TNK2: variants seen among roughly 807,000 people sequenced by gnomAD.
TNK2 encodes tyrosine kinase non receptor 2, also known as activated CDC42 kinase 1.
In TNK2, 83 loss-of-function variants were observed where a neutral mutation model predicts 101.8. The ratio of observed to expected loss-of-function variants is 0.82; its 90% confidence interval spans 0.68 to 0.98. The LOEUF (loss-of-function observed/expected upper bound fraction) is 0.98. TNK2 is among the 50% of genes least tolerant of loss of function. The pLI is 0.00. For missense variants in TNK2, 1,665 were observed against 1,483.2 expected, an observed-to-expected ratio of 1.12 and a Z score of -2.01; for synonymous variants, 804 against 633.0, an observed-to-expected ratio of 1.27 and a Z score of -4.06.
chr3:195,878,622 A>T lies in TNK2; in HGVS notation c.1015-30T>A. The stretch of plus-strand genomic sequence containing the variant: ...AGGTGAGGAGGTGCAGAGTTTGACG[A>T]CAAACAGAGCGCCCAGCCCTTCACT... On this transcript the variant is annotated intron_variant, in intron 7 of 15. Coordinates refer to ENST00000672887, the MANE Select transcript of TNK2 (RefSeq NM_001382273.1). The surrounding 1 kb of genome is among the most constrained non-coding windows in gnomAD (Gnocchi z 4.7). The T allele has an allele frequency of 6.2e-7, 1 of 1,602,188 alleles. No homozygotes were observed. The highest frequency in any genetic ancestry group is 8.5e-7 in the Non-Finnish European group (1 of 1,172,956).
Position 195,867,362 on chromosome 3 carries a change from A to G in TNK2, c.2936T>C (p.Met979Thr). 1 of 1,607,716 alleles carries G rather than the reference A, an allele frequency of 6.2e-7. No homozygotes were observed. Among genetic ancestry groups the G allele is most frequent in the South Asian group, 1.1e-5 (1 of 90,478 alleles). ...EAGRPADKIQ[M>T]LQAMVHGVTT... ...CCCACAGCCAGGCTGGGTGCTCACC[A>G]TCTGGATCTTGTCTGCTGGCCGGCC... The change falls in exon 13 of 16, where the codon ATG (methionine) becomes ACG (threonine). Residue 979 changes from methionine to threonine, a missense_variant and splice_region_variant. Met to Thr is a moderately conservative substitution (Grantham distance 81). Transcript: ENST00000672887.
chr3:195,868,452 C>A lies in TNK2; in HGVS notation c.1846G>T (p.Asp616Tyr). Residue 616 changes from aspartate to tyrosine, a missense_variant, in exon 13 of 16, where the codon GAC becomes TAC. This residue lies in a region of TNK2 where 1,136 missense variants were observed against 894.9 expected (regional missense o/e 1.27). Coordinates refer to ENST00000672887, the MANE Select transcript of TNK2 (RefSeq NM_001382273.1). ...GTGGGGCTCTGAGGCGGGGTCTCGT[C>A]CAGCAGGGAGCAGGCGTCCATGGCC... is the stretch of plus-strand genomic sequence containing the variant. Reference protein sequence around the residue: ...QLAMDACSLLDETPPQSPTRA... With the variant: ...QLAMDACSLLYETPPQSPTRA... 1 of 1,564,006 alleles carries A rather than the reference C, an allele frequency of 6.4e-7. No homozygotes were observed. Among genetic ancestry groups the A allele is most frequent in the Non-Finnish European group, 8.6e-7 (1 of 1,165,168 alleles).
chr3:195,872,291 G>T lies in TNK2; in HGVS notation c.1436C>A (p.Pro479Gln). Residue 479 changes from proline to glutamine, a missense_variant, in exon 10 of 16, where the codon CCG (proline) becomes CAG (glutamine). Around this residue, in one of 3 missense-constraint regions of TNK2, gnomAD observed 1,136 missense variants for 894.9 expected, o/e 1.27. Transcript: ENST00000672887. ...DSDPRHCWGF[P>Q]DRIDELYLGN... ...CAGTACTCACTCGTCAATCCTGTCC[G>T]GGAAGCCCCAGCAGTGGCGGGGGTC... The T allele has an allele frequency of 6.2e-7, 1 of 1,613,420 alleles. No individual in the cohort carries two copies. The highest frequency in any genetic ancestry group is 8.5e-7 in the Non-Finnish European group (1 of 1,179,926).
chr3:195,878,900 CGTGGTGGGAGGCACGGGAA>C lies in TNK2; in HGVS notation c.1014+130_1014+148del, dbSNP rs1365732380. The C allele has an allele frequency of 2.0e-5, 26 of 1,273,508 alleles. No individual in the cohort carries two copies. The East Asian group carries it at 4.7e-4, about 23-fold the overall frequency. 78.9% of individuals were successfully genotyped at this position (1,273,508 alleles called of 1,614,324 possible). On this transcript the variant is annotated intron_variant, in intron 7 of 15. Coordinates refer to ENST00000672887, the MANE Select transcript of TNK2 (RefSeq NM_001382273.1). This position sits in a 1 kb window ranked among gnomAD's most constrained non-coding sequence, Gnocchi z 4.7. Reference sequence around the variant, plus strand: ...ACGGGGCGTGAGAGGAGACACGGGGCGTGGTGGGAGGCACGGGAAGTGGGGGGAGGCACGGGGCGTGGGA... The same window carrying C: ...ACGGGGCGTGAGAGGAGACACGGGGCGTGGGGGGAGGCACGGGGCGTGGGA...
chr3:195,895,649 G>A, intron 1 of TNK2: 6 of 1,262,984 alleles, frequency 4.8e-6, no homozygotes, highest in Non-Finnish European at 6.0e-6. Context: ...GCCTTCGCCG[G>A]CCGCGGAACC....
intron 9 of TNK2, among the ~76,000 whole-genome samples, chr3:195,873,404 G>C (rs1356571920): frequency 6.6e-6 from 1 of 152,112 alleles, no homozygotes; most frequent in African/African-American, 2.4e-5. Context: ...GTGATGCCGT[G>C]AGCAGAGTCT....
intron 6 of TNK2, among the ~76,000 whole-genome samples, chr3:195,881,383 C>A (rs1406482246): frequency 4.0e-5 from 1 of 25,206 alleles, no homozygotes; most frequent in African/African-American, 2.2e-4. Flanking sequence ...CCTGTAACAC[C>A]CCCCCAGCAG....
At position 195,863,662 on chromosome 3, in the gene TNK2, G is replaced by GT. The variant is rs1738780639; in HGVS notation, c.*518dup. On this transcript the variant is annotated 3_prime_UTR_variant, in exon 16 of 16. Transcript: ENST00000672887. ...CAGCCAAGTCCCATTCAAGTCCATG[G>GT]TAAGGCCACAAGTCACATTCTGCCC... is the stretch of plus-strand genomic sequence containing the variant. The GT allele has an allele frequency of 1.3e-5, 2 of 154,640 alleles. No homozygotes were observed. Among genetic ancestry groups the GT allele is most frequent in the Admixed American group, 6.5e-5 (1 of 15,400 alleles). 9.6% of individuals were successfully genotyped at this position (154,640 alleles called of 1,614,324 possible).
Position 195,867,781 on chromosome 3 carries a change from G to A in TNK2, c.2517C>T (p.Asp839=). Residue 839 remains aspartate (D), a synonymous_variant, in exon 13 of 16, where the codon GAC becomes GAT. Coordinates refer to ENST00000672887, the MANE Select transcript of TNK2 (RefSeq NM_001382273.1). ...TCACCTGGGGGGTGGCGTACTTGGG[G>A]TCTGAGGCAAAGCTCTGGGTGGTGG... ...TMPTTQSFAS[D]PKYATPQVIQ... The A allele has an allele frequency of 1.9e-6, 3 of 1,579,942 alleles. No homozygotes were observed. The highest frequency in any genetic ancestry group is 2.6e-6 in the Non-Finnish European group (3 of 1,165,266).
intron 4 of TNK2, chr3:195,884,297 AAC>A (rs1754613475): frequency 1.3e-5 from 2 of 152,158 alleles, no homozygotes; most frequent in Non-Finnish European, 2.9e-5. Context: ...ATACTTTCCA[AAC>A]TTTTATAATA....
chr3:195,896,217 C>A (rs1209076789), intron 1 of TNK2: 1 of 417,950 alleles, frequency 2.4e-6, no homozygotes, highest in African/African-American at 2.1e-5. Flanking sequence ...CCCAAGGCAC[C>A]GCTTCTCATT....
At chr3:195,876,483 C>G (rs1377992193) in intron 9 of TNK2, 2 of 456,822 alleles carry the variant, frequency 4.4e-6, no homozygotes, top group Admixed American at 4.7e-5. Context: ...CGGAGGCAGC[C>G]AAACAAACAT....
chr3:195,872,405 T>C lies in TNK2; in HGVS notation c.1322A>G (p.Asn441Ser). ...RTLCVGPFPRNVVTSVAGLSA... is the reference protein window; with the variant it reads ...RTLCVGPFPRSVVTSVAGLSA... ...CAGGCCGGCCACGGAGGTCACCACG[T>C]TGCGAGGGAAGGGCCCCACACACAG... Residue 441 changes from asparagine (N) to serine (S), a missense_variant, in exon 10 of 16, where the codon AAC (asparagine) becomes AGC (serine). This residue lies in a region of TNK2 where 1,136 missense variants were observed against 894.9 expected (regional missense o/e 1.27). Coordinates refer to ENST00000672887, the MANE Select transcript of TNK2 (RefSeq NM_001382273.1). The C allele has an allele frequency of 6.2e-7, 1 of 1,613,184 alleles. No individual in the cohort carries two copies. Among genetic ancestry groups the C allele is most frequent in the Non-Finnish European group, 8.5e-7 (1 of 1,179,802 alleles).
chr3:195,906,747 G>A (rs1761761876), intron 1 of TNK2, among the ~76,000 whole-genome samples: 1 of 152,100 alleles, frequency 6.6e-6, no homozygotes, highest in South Asian at 2.1e-4. Flanking sequence ...TTTACCATAT[G>A]TCATTATATC....
intron 9 of TNK2, among the ~76,000 whole-genome samples, chr3:195,873,473 G>A (rs62283331): frequency 2.2e-5 from 2 of 91,452 alleles, no homozygotes; most frequent in East Asian, 4.2e-4. Flanking sequence ...GGGGCGGTGA[G>A]AGCCCCGTGG....
Position 195,901,904 on chromosome 3 carries a change from C to T in TNK2, c.-19+6581G>A, listed in dbSNP as rs150187481. ...GAAGTCTTATGACCCACATTGGACT[C>T]GCTGAGTGGATACCATGTCATTCAC... On this transcript the variant is annotated intron_variant, in intron 1 of 15. Coordinates refer to ENST00000672887, the MANE Select transcript of TNK2 (RefSeq NM_001382273.1). 5.4e-3 allele frequency among the ~76,000 whole-genome samples: 826 copies of T among 152,292 alleles called. 7 individuals are homozygous for T. Among genetic ancestry groups the T allele is most frequent in the Middle Eastern group, 0.01 (3 of 294 alleles).
rs748379763 is a variant in TNK2, at chr3:195,864,195, A to C, written c.3162-8T>G. 3.1e-6 allele frequency: 5 copies of C among 1,613,840 alleles called. No individual in the cohort carries two copies. In the South Asian group the frequency reaches 4.4e-5, roughly 14 times the overall value. ...CCAGACGCATCTCAGCGCCTAGAGAATGGGAAACCACCAGCACAGTTAAAC... is the reference window on the plus strand; with the variant it reads ...CCAGACGCATCTCAGCGCCTAGAGACTGGGAAACCACCAGCACAGTTAAAC... On this transcript the variant is annotated splice_polypyrimidine_tract_variant and splice_region_variant and intron_variant, in intron 15 of 15. Coordinates refer to ENST00000672887, the MANE Select transcript of TNK2 (RefSeq NM_001382273.1).
In TNK2 at chr3:195,867,443, G is replaced by C; in HGVS notation, c.2855C>G (p.Pro952Arg). The C allele has an allele frequency of 1.3e-6, 2 of 1,595,214 alleles. No individual in the cohort carries two copies. Among genetic ancestry groups the C allele is most frequent in the Non-Finnish European group, 1.7e-6 (2 of 1,176,558 alleles). ...CTGTGGCAGCCGAGCAGTGGCCCTC[G>C]GGGGTGGTGGCCGGGCCCCTGGGTT... ...NSNPGARPPPPRATARLPQRG... is the reference protein window; with the variant it reads ...NSNPGARPPPRRATARLPQRG... Residue 952 changes from proline (P) to arginine (R), a missense_variant, in exon 13 of 16, where the codon CCG becomes CGG. This residue lies in a region of TNK2 where 1,136 missense variants were observed against 894.9 expected (regional missense o/e 1.27). Transcript: ENST00000672887.
chr3:195,891,968 A>C, intron 1 of TNK2: 1 of 997,388 alleles, frequency 1.0e-6, no homozygotes, highest in Non-Finnish European at 1.2e-6. Context: ...AGCTCTGCAC[A>C]GGGGATGCAT....
Sources: allele counts gnomAD v4.1 joint callset (sites outside exome capture counted in the v4.1 genomes callset), GRCh38; gene constraint gnomAD v4.1.1; regional missense constraint gnomAD v4.1.1; non-coding constraint Gnocchi (gnomAD v3.1); transcripts MANE v1.5; gene names NCBI Gene and HGNC (gene_info 2026-07-23, HGNC 2026-07-21).